Variants in TRPC5 observed in about 807,000 individuals in gnomAD.
The protein encoded by TRPC5 is transient receptor potential cation channel subfamily C member 5, also known as short transient receptor potential channel 5.
A neutral mutation model predicts 56.5 loss-of-function variants in TRPC5; 9 were observed. That is an observed-to-expected ratio of 0.16 (90% CI 0.10 to 0.28). The LOEUF is 0.28. Among genes scored for constraint, TRPC5 ranks in the 10% least tolerant of loss-of-function variants. TRPC5 has a pLI of 1.00. For synonymous variants in TRPC5, 282 were observed against 278.5 expected (o/e 1.01, Z -0.13); for missense variants, 469 against 748.9 (o/e 0.63, Z 4.36).
chrX:111,945,472 TACAC>T (rs1379117512), intron 2 of TRPC5, among the ~76,000 whole-genome samples: 18 of 110,201 alleles, frequency 1.6e-4, no homozygotes, highest in Middle Eastern at 4.7e-3. Context: ...ACATATAACA[TACAC>T]ACACACATGT....
intron 7 of TRPC5, among the ~76,000 whole-genome samples, chrX:111,830,547 TG>T (rs1323461421): frequency 9.0e-6 from 1 of 111,283 alleles, no homozygotes; most frequent in Non-Finnish European, 1.9e-5. Flanking sequence ...AGGGACCTCC[TG>T]GGGGGTGATT....
At chrX:112,043,852 T>C (rs1929959661) in intron 1 of TRPC5, among the ~76,000 whole-genome samples, 2 of 111,264 alleles carry the variant, frequency 1.8e-5, no homozygotes, top group South Asian at 7.5e-4. Flanking sequence ...TTTTAAAATC[T>C]AATTTTAAAA....
rs763441736 is a variant in TRPC5 at position 111,834,949 on chromosome X, A to G, written c.1868T>C (p.Met623Thr). Residue 623 changes from methionine to threonine, a missense_variant, in exon 7 of 11, where the codon ATG (methionine) becomes ACG (threonine). Around this residue, in one of 3 missense-constraint regions of TRPC5, gnomAD observed 157 missense variants for 360.0 expected, o/e 0.44. Transcript: ENST00000262839. ...LVVLLNMLIA[M>T]MNNSYQLIAD... is the part of the protein sequence containing the mutation. ...AATAAGCTGATAGGAGTTGTTCATCATAGCAATCAGCATGTTCAGCAGCAC... is the reference window on the plus strand; with the variant it reads ...AATAAGCTGATAGGAGTTGTTCATCGTAGCAATCAGCATGTTCAGCAGCAC... 1 of 1,210,219 alleles carries G rather than the reference A, an allele frequency of 8.3e-7. No individual in the cohort carries two copies. Among genetic ancestry groups the G allele is most frequent in the South Asian group, 1.8e-5 (1 of 56,493 alleles).
intron 10 of TRPC5, among the ~76,000 whole-genome samples, chrX:111,778,215 C>T: frequency 9.0e-6 from 1 of 111,202 alleles, no homozygotes; most frequent in Admixed American, 9.6e-5. Flanking sequence ...TTGATGGGTG[C>T]AGCAAACCAC....
intron 1 of TRPC5, among the ~76,000 whole-genome samples, chrX:111,994,893 A>C (rs919220834): frequency 9.0e-6 from 1 of 111,602 alleles, no homozygotes; most frequent in African/African-American, 3.3e-5. Context: ...AATACCCTTT[A>C]TTTCTTTCTC....
At position 111,969,544 on chromosome X, in the gene TRPC5, A is replaced by G. The variant is rs138514522; in HGVS notation, c.-21-17103T>C. On this transcript the variant is annotated intron_variant, in intron 1 of 10. Transcript: ENST00000262839. ...CATTGCTAGCACTAAATGAAATTGT[A>G]AAGATCAGTGTTAGCTGAAGTTATT... 1.8e-4 allele frequency among the ~76,000 whole-genome samples: 20 copies of G among 112,351 alleles called. No homozygotes were observed. The East Asian group carries it at 3.9e-3, about 22-fold the overall frequency.
intron 3 of TRPC5, among the ~76,000 whole-genome samples, chrX:111,882,515 A>G (rs1331833895): frequency 8.8e-6 from 1 of 113,111 alleles, no homozygotes; most frequent in Non-Finnish European, 1.9e-5. Flanking sequence ...AGGTCTGATG[A>G]CAGCTTAATC....
chrX:111,899,917 T>G (rs911849013), intron 3 of TRPC5, among the ~76,000 whole-genome samples: 1 of 111,195 alleles, frequency 9.0e-6, no homozygotes, highest in East Asian at 2.8e-4. Context: ...TATGGAAAAT[T>G]GCCTCCAACA....
chrX:111,906,897 C>A (rs1447082168), intron 3 of TRPC5, among the ~76,000 whole-genome samples: 1 of 111,642 alleles, frequency 9.0e-6, no homozygotes, highest in African/African-American at 3.3e-5. Context: ...TTCCTCATTA[C>A]AGACATTGAG....
intron 1 of TRPC5, among the ~76,000 whole-genome samples, chrX:112,024,157 A>G (rs1303627443): frequency 8.9e-6 from 1 of 112,068 alleles, no homozygotes; most frequent in Non-Finnish European, 1.9e-5. Context: ...AGTTTCCCTC[A>G]TCTTGACTGT....
chrX:111,888,008 T>C (rs147424752), intron 3 of TRPC5, among the ~76,000 whole-genome samples: 2,103 of 110,228 alleles, frequency 0.019, 20 homozygotes, highest in Non-Finnish European at 0.032. Context: ...GAGGGGGAGG[T>C]TAAAATTTAC....
chrX:111,988,676 T>C (rs1928273759), intron 1 of TRPC5, among the ~76,000 whole-genome samples: 1 of 111,228 alleles, frequency 9.0e-6, no homozygotes, highest in Non-Finnish European at 1.9e-5. Context: ...GTATTCAATA[T>C]ATATTCGCTA....
At chrX:111,998,344 A>C (rs747253103) in intron 1 of TRPC5, among the ~76,000 whole-genome samples, 1 of 112,267 alleles carries the variant, frequency 8.9e-6, no homozygotes, top group African/African-American at 3.2e-5. Context: ...TATGTATACA[A>C]TGTCTAATAA....
chrX:112,022,932 T>A lies in TRPC5; in HGVS notation c.-22+58947A>T, dbSNP rs755740131. On this transcript the variant is annotated intron_variant, in intron 1 of 10. Transcript: ENST00000262839. ...TGTCTGTGGGGATTGAGGAAGATTT[T>A]TTTTTTTATTTTTTATTTTTGAGAC... Among the ~76,000 whole-genome samples, 7 of 111,743 alleles carry A rather than the reference T, an allele frequency of 6.3e-5. No individual in the cohort carries two copies. In the South Asian group the frequency reaches 1.1e-3, roughly 18 times the overall value.
chrX:111,800,753 CA>C (rs58731485), intron 7 of TRPC5, among the ~76,000 whole-genome samples: 22,307 of 93,706 alleles, frequency 0.24, 6,005 homozygotes, highest in African/African-American at 0.74. Flanking sequence ...GACTCCATCT[CA>C]AAAAAAAAAA....
intron 3 of TRPC5, among the ~76,000 whole-genome samples, chrX:111,887,423 T>C (rs1924560250): frequency 8.9e-6 from 1 of 112,098 alleles, no homozygotes; most frequent in African/African-American, 3.2e-5. Context: ...TTCAAGGCAC[T>C]GGGTTAGTGG....
At chrX:111,895,228 G>A (rs774410731) in intron 3 of TRPC5, among the ~76,000 whole-genome samples, 2 of 111,511 alleles carry the variant, frequency 1.8e-5, no homozygotes, top group African/African-American at 6.5e-5. Flanking sequence ...AGCTCTTCTG[G>A]TGGGTTTTGC....
At chrX:111,815,050 C>T (rs1460923497) in intron 7 of TRPC5, among the ~76,000 whole-genome samples, 2 of 111,682 alleles carry the variant, frequency 1.8e-5, no homozygotes, top group East Asian at 2.8e-4. Flanking sequence ...GAAGACATTA[C>T]GAAATAGGTT....
intron 6 of TRPC5, among the ~76,000 whole-genome samples, chrX:111,838,256 G>C (rs1205559959): frequency 2.7e-5 from 3 of 111,477 alleles, no homozygotes; most frequent in African/African-American, 9.8e-5. Flanking sequence ...GGTTGGTAGT[G>C]AGAATGTCCT....
Sources: gnomAD v4.1 joint callset for allele counts (sites outside exome capture counted in the v4.1 genomes callset) on GRCh38, gnomAD v4.1.1 for gene constraint, gnomAD v4.1.1 regional missense constraint, MANE v1.5 for transcripts, NCBI Gene and HGNC (gene_info 2026-07-23, HGNC 2026-07-21) for gene names.